Variants in FER observed in about 807,000 individuals in gnomAD.
The protein encoded by FER is FER tyrosine kinase.
A neutral mutation model predicts 111.0 loss-of-function variants in FER; 63 were observed. That is an observed-to-expected ratio of 0.57 (90% CI 0.46 to 0.70). The LOEUF is 0.70. FER is among the 30% of genes least tolerant of loss of function. The pLI is 0.00. For synonymous variants in FER, 327 were observed against 313.9 expected (o/e 1.04, Z -0.44); for missense variants, 914 against 954.0 (o/e 0.96, Z 0.55).
chr5:109,149,513 A>T (rs1204749144), intron 17 of FER, among the ~76,000 whole-genome samples: 1 of 152,154 alleles, frequency 6.6e-6, no homozygotes, highest in East Asian at 1.9e-4. Context: ...GAGAGTACAT[A>T]TTATCCTGAA....
At chr5:109,068,198 T>G (rs1057049028) in intron 16 of FER, among the ~76,000 whole-genome samples, 2 of 152,046 alleles carry the variant, frequency 1.3e-5, no homozygotes, top group African/African-American at 4.8e-5. Context: ...TTTTTCATTT[T>G]TTTGAGACGG....
At chr5:108,815,017 A>G (rs1212951355) in intron 3 of FER, among the ~76,000 whole-genome samples, 5 of 152,036 alleles carry the variant, frequency 3.3e-5, no homozygotes, top group East Asian at 3.9e-4. Context: ...AGATATTCCA[A>G]TCTCATCTTG....
intron 13 of FER, among the ~76,000 whole-genome samples, chr5:109,004,922 G>GTTTGT (rs748163022): frequency 6.6e-6 from 1 of 151,050 alleles, no homozygotes; most frequent in East Asian, 2.0e-4. Flanking sequence ...TTTTTTTTAT[G>GTTTGT]TTTGTTTTGT....
chr5:108,999,733 G>A (rs1367269382), intron 13 of FER, among the ~76,000 whole-genome samples: 2 of 150,654 alleles, frequency 1.3e-5, no homozygotes, highest in African/African-American at 4.9e-5. Flanking sequence ...ATCCTGGTAG[G>A]TATGGTTTCA....
intron 5 of FER, among the ~76,000 whole-genome samples, chr5:108,836,419 C>A (rs1183066310): frequency 6.6e-6 from 1 of 152,104 alleles, no homozygotes; most frequent in Non-Finnish European, 1.5e-5. Context: ...AGTTTATGAA[C>A]AGAAACTTCT....
At position 109,187,624 on chromosome 5, in the gene FER, A is replaced by G. The variant is rs1216086213; in HGVS notation, c.*49A>G. 3 of 1,603,784 alleles carry G rather than the reference A, an allele frequency of 1.9e-6. No homozygotes were observed. The highest frequency in any genetic ancestry group is 1.7e-5 in the Admixed American group (1 of 58,880). On this transcript the variant is annotated 3_prime_UTR_variant, in exon 20 of 20. Transcript: ENST00000281092. Reference sequence around the variant, plus strand: ...CCTTCAGGACTCTGTCCTCCAGCAGAGTAACATTATTGTTCTCATTAACAA... The same window carrying G: ...CCTTCAGGACTCTGTCCTCCAGCAGGGTAACATTATTGTTCTCATTAACAA...
intron 17 of FER, among the ~76,000 whole-genome samples, chr5:109,115,848 T>A (rs1227826439): frequency 6.6e-6 from 1 of 152,112 alleles, no homozygotes; most frequent in East Asian, 1.9e-4. Context: ...ACTCTTTCCT[T>A]TTCTTCTTAC....
At chr5:108,892,272 C>T (rs533385863) in intron 9 of FER, among the ~76,000 whole-genome samples, 6 of 152,082 alleles carry the variant, frequency 3.9e-5, no homozygotes, top group Non-Finnish European at 7.4e-5. Flanking sequence ...ACTAGTTTAC[C>T]GTCCCACCAA....
intron 13 of FER, among the ~76,000 whole-genome samples, chr5:109,005,008 T>G (rs536644042): frequency 4.5e-4 from 69 of 152,164 alleles, no homozygotes; most frequent in Non-Finnish European, 7.6e-4. Flanking sequence ...GATGGCTGAT[T>G]TCTCGGAAAC....
intron 17 of FER, among the ~76,000 whole-genome samples, chr5:109,143,534 C>T (rs1032865316): frequency 6.6e-6 from 1 of 151,910 alleles, no homozygotes; most frequent in African/African-American, 2.4e-5. Flanking sequence ...CTTTTTCAGA[C>T]ATCACTTCCT....
intron 13 of FER, among the ~76,000 whole-genome samples, chr5:108,978,132 C>G (rs1405501744): frequency 5.3e-5 from 8 of 152,202 alleles, no homozygotes; most frequent in Non-Finnish European, 1.0e-4. Context: ...AGGCATGAGC[C>G]ATCGTGCCTA....
chr5:109,030,802 G>A (rs572856974), intron 13 of FER, among the ~76,000 whole-genome samples: 3 of 152,280 alleles, frequency 2.0e-5, no homozygotes, highest in East Asian at 1.9e-4. Flanking sequence ...AAGGGAGATA[G>A]GAGTCTCAGT....
intron 1 of FER, among the ~76,000 whole-genome samples, chr5:108,762,352 T>G (rs1172713164): frequency 1.3e-5 from 2 of 152,208 alleles, no homozygotes; most frequent in Non-Finnish European, 2.9e-5. Flanking sequence ...TTCAGCATAC[T>G]CTGTTTTCTT....
At chr5:109,187,291 C>G in intron 19 of FER, 142 bp from the exon 20 acceptor site, 1 of 768,288 alleles carries the variant, frequency 1.3e-6, no homozygotes, top group Non-Finnish European at 2.1e-6. Flanking sequence ...AATAAAAACT[C>G]AGCCTCCCCA....
intron 5 of FER, among the ~76,000 whole-genome samples, chr5:108,837,296 T>C (rs1017547816): frequency 1.3e-5 from 2 of 152,208 alleles, no homozygotes; most frequent in Non-Finnish European, 2.9e-5. Flanking sequence ...TTGCCAGGCA[T>C]TCAAGGAGCT....
chr5:108,944,849 G>A (rs866264233), intron 10 of FER, among the ~76,000 whole-genome samples: 1 of 113,898 alleles, frequency 8.8e-6, no homozygotes, highest in Non-Finnish European at 2.0e-5. Flanking sequence ...ACCTTCATAT[G>A]AAAAGATGTT....
chr5:108,865,963 T>C (rs1234832786), intron 5 of FER, among the ~76,000 whole-genome samples: 2 of 152,062 alleles, frequency 1.3e-5, no homozygotes, highest in South Asian at 2.1e-4. Context: ...TGTGGAGAAA[T>C]AGGAACACTT....
At chr5:108,939,544 G>A (rs1755970146) in intron 10 of FER, among the ~76,000 whole-genome samples, 1 of 151,962 alleles carries the variant, frequency 6.6e-6, no homozygotes, top group Admixed American at 6.6e-5. Context: ...TTCATTCTCA[G>A]GCAGGATGTA....
intron 16 of FER, among the ~76,000 whole-genome samples, chr5:109,070,479 A>T (rs1775641396): frequency 6.6e-6 from 1 of 151,986 alleles, no homozygotes; most frequent in Admixed American, 6.6e-5. Flanking sequence ...AAAAACTGTG[A>T]AATTTAGGTG....
Sources: allele counts gnomAD v4.1 joint callset (sites outside exome capture counted in the v4.1 genomes callset), GRCh38; gene constraint gnomAD v4.1.1; transcripts MANE v1.5; gene names NCBI Gene and HGNC (gene_info 2026-07-23, HGNC 2026-07-21).